The following ATG5 variants were observed in gnomAD, a reference collection of about 807,000 sequenced individuals.
ATG5 encodes the protein autophagy protein 5.
In ATG5, 14 loss-of-function variants were observed where a neutral mutation model predicts 36.5. That is an observed-to-expected ratio of 0.38 (90% CI 0.25 to 0.60). ATG5 has a LOEUF of 0.60. ATG5 is among the 20% of genes least tolerant of loss of function. The pLI is 0.60. For missense variants in ATG5, 195 were observed against 326.7 expected (o/e 0.60, Z 3.11); for synonymous variants, 95 against 101.5 (o/e 0.94, Z 0.38).
intron 7 of ATG5, among the ~76,000 whole-genome samples, chr6:106,189,240 T>C (rs761629069): frequency 2.7e-4 from 41 of 152,302 alleles, no homozygotes; most frequent in Admixed American, 4.6e-4. Flanking sequence ...CAAATGTATA[T>C]GCTATCCTTA....
chr6:106,195,279 T>C (rs1368939122), intron 7 of ATG5, among the ~76,000 whole-genome samples: 1 of 152,228 alleles, frequency 6.6e-6, no homozygotes, highest in Admixed American at 6.5e-5. Flanking sequence ...TTTTATGAAG[T>C]ACTTTCTCTT....
At chr6:106,267,330 G>A (rs1271523057) in intron 5 of ATG5, among the ~76,000 whole-genome samples, 1 of 152,092 alleles carries the variant, frequency 6.6e-6, no homozygotes, top group African/African-American at 2.4e-5. Flanking sequence ...ACTGCTCAAG[G>A]AAATGAGAGG....
chr6:106,295,354 T>G (rs1310235913), intron 3 of ATG5, among the ~76,000 whole-genome samples: 1 of 152,142 alleles, frequency 6.6e-6, no homozygotes, highest in African/African-American at 2.4e-5. Context: ...CTTTCCAAAT[T>G]CTAAACAGCA....
chr6:106,304,459 G>A (rs1770352211), intron 3 of ATG5, among the ~76,000 whole-genome samples: 1 of 152,106 alleles, frequency 6.6e-6, no homozygotes, highest in African/African-American at 2.4e-5. Context: ...TAAACAATTT[G>A]TGGTATAACC....
intron 6 of ATG5, among the ~76,000 whole-genome samples, chr6:106,244,075 C>G (rs183149523): frequency 6.6e-6 from 1 of 151,494 alleles, no homozygotes; most frequent in Non-Finnish European, 1.5e-5. Context: ...CCACCCCATC[C>G]GGCTCATTTA....
chr6:106,237,390 G>A (rs1391393508), intron 6 of ATG5, among the ~76,000 whole-genome samples: 4 of 151,928 alleles, frequency 2.6e-5, no homozygotes, highest in Admixed American at 2.0e-4. Flanking sequence ...TCATCTTCTT[G>A]CAAAAAAGAT....
At chr6:106,311,125 C>T (rs934421033) in intron 2 of ATG5, among the ~76,000 whole-genome samples, 1 of 152,136 alleles carries the variant, frequency 6.6e-6, no homozygotes, top group East Asian at 1.9e-4. Flanking sequence ...AAATTAGAGA[C>T]CTTTCTAGGA....
rs188836267 is a variant in ATG5, at chr6:106,308,800, C to T, written c.109-309G>A. ...ATTAGATGTCATACTATTTAGGATA[C>T]TTATTGGTTCTATAAAATTTAACTT... On this transcript the variant is annotated intron_variant, in intron 2 of 7. Transcript: ENST00000369076. Among the ~76,000 whole-genome samples, 255 of 152,248 alleles carry T rather than the reference C, an allele frequency of 1.7e-3. 1 individual carries two copies. Among genetic ancestry groups the T allele is most frequent in the Non-Finnish European group, 3.0e-3 (205 of 67,984 alleles).
chr6:106,234,254 T>C (rs1777804621), intron 6 of ATG5, among the ~76,000 whole-genome samples: 2 of 151,984 alleles, frequency 1.3e-5, no homozygotes, highest in Non-Finnish European at 2.9e-5. Context: ...TACCCATACT[T>C]GCCTGGTAAG....
chr6:106,202,139 C>T (rs757475059), intron 6 of ATG5, 50 bp from the exon 7 acceptor site: 1 of 1,422,928 alleles, frequency 7.0e-7, no homozygotes, highest in Non-Finnish European at 9.9e-7. Context: ...TTTGTTGCTG[C>T]CAATTACAAA....
At position 106,191,859 on chromosome 6, in the gene ATG5, CA is replaced by C. The variant is rs561188831; in HGVS notation, c.692-5184del. ...CCTACACACGTTATAAGAATAAGTT[CA>C]TTTTTTTAGTACTAGATATATCAAA... On this transcript the variant is annotated intron_variant, in intron 7 of 7. Transcript: ENST00000369076. Among the ~76,000 whole-genome samples the C allele has an allele frequency of 5.3e-5, 8 of 152,116 alleles. No individual in the cohort carries two copies. The South Asian group carries it at 8.3e-4, about 16-fold the overall frequency.
intron 5 of ATG5, among the ~76,000 whole-genome samples, chr6:106,264,823 T>C (rs1446137750): frequency 3.3e-5 from 5 of 152,034 alleles, no homozygotes; most frequent in African/African-American, 1.2e-4. Context: ...AGGCCTGCCC[T>C]ACAAGAGCTC....
At chr6:106,286,152 C>T (rs1373748154) in intron 4 of ATG5, among the ~76,000 whole-genome samples, 2 of 152,180 alleles carry the variant, frequency 1.3e-5, no homozygotes, top group Non-Finnish European at 1.5e-5. Context: ...CATACACGTA[C>T]ACTTTGGCTC....
At chr6:106,238,589 T>C (rs983512909) in intron 6 of ATG5, among the ~76,000 whole-genome samples, 5 of 152,082 alleles carry the variant, frequency 3.3e-5, no homozygotes, top group African/African-American at 1.2e-4. Context: ...TTTTCCTCTC[T>C]GGGAGGAACT....
At chr6:106,290,169 G>A (rs1178354225) in intron 4 of ATG5, among the ~76,000 whole-genome samples, 1 of 150,592 alleles carries the variant, frequency 6.6e-6, no homozygotes, top group African/African-American at 2.4e-5. Context: ...TGGGACTAGA[G>A]GTGCATGCCA....
chr6:106,248,130 T>C lies in ATG5; in HGVS notation c.573+20A>G. 1 of 1,548,738 alleles carries C rather than the reference T, an allele frequency of 6.5e-7. No individual in the cohort carries two copies. The highest frequency in any genetic ancestry group is 8.9e-7 in the Non-Finnish European group (1 of 1,121,244). ...CTGAGGCTTTCATAAATGGATGTTT[T>C]TTAAAATGTTATTTCCTACCTGATA... On this transcript the variant is annotated intron_variant, in intron 6 of 7. Transcript: ENST00000369076.
At chr6:106,262,934 C>T (rs537155552) in intron 5 of ATG5, among the ~76,000 whole-genome samples, 6 of 152,220 alleles carry the variant, frequency 3.9e-5, no homozygotes, top group Non-Finnish European at 7.3e-5. Flanking sequence ...GGGCAGACAC[C>T]GAGCTAGCTG....
intron 6 of ATG5, among the ~76,000 whole-genome samples, chr6:106,218,153 G>A (rs1045485413): frequency 1.1e-4 from 17 of 152,076 alleles, no homozygotes; most frequent in Non-Finnish European, 2.2e-4. Flanking sequence ...GCAAAAGAGG[G>A]TATACTGTAG....
At chr6:106,217,797 T>A (rs935934644) in intron 6 of ATG5, among the ~76,000 whole-genome samples, 2 of 152,248 alleles carry the variant, frequency 1.3e-5, no homozygotes, top group Non-Finnish European at 2.9e-5. Flanking sequence ...CACAAAAAAA[T>A]TCAAAATTTT....
Sources: gnomAD v4.1 joint callset for allele counts (sites outside exome capture counted in the v4.1 genomes callset) on GRCh38, gnomAD v4.1.1 for gene constraint, MANE v1.5 for transcripts, NCBI Gene and HGNC (gene_info 2026-07-23, HGNC 2026-07-21) for gene names.